PSME3IP1: variants seen among roughly 807,000 people sequenced by gnomAD.
The protein encoded by PSME3IP1 is PSME3-interacting protein.
A neutral mutation model predicts 34.1 loss-of-function variants in PSME3IP1; 13 were observed. The observed-to-expected ratio is 0.38, with a 90% CI of 0.25 to 0.61. The LOEUF (loss-of-function observed/expected upper bound fraction) is 0.61, where lower values mean the gene tolerates loss of function less well. Ranked by LOEUF, PSME3IP1 falls within the 20% of genes least tolerant of loss-of-function variation. The pLI, the probability that PSME3IP1 is intolerant of heterozygous loss-of-function variation, is 0.60. For synonymous variants in PSME3IP1, 93 were observed against 114.3 expected, an observed-to-expected ratio of 0.81 and a Z score of 1.19; for missense variants, 237 against 301.4, an observed-to-expected ratio of 0.79 and a Z score of 1.58.
At chr16:57,165,826 C>G (rs1305361880) in intron 5 of PSME3IP1, among the ~76,000 whole-genome samples, 1 of 152,004 alleles carries the variant, frequency 6.6e-6, no homozygotes, top group Non-Finnish European at 1.5e-5. Flanking sequence ...TACTACAGAG[C>G]CTTTTCTAAA....
chr16:57,174,231 T>C, intron 1 of PSME3IP1: 1 of 196,388 alleles, frequency 5.1e-6, no homozygotes, highest in Middle Eastern at 2.3e-3. Context: ...GAGGCGGAGG[T>C]TGCAGTGAGC....
intron 1 of PSME3IP1, chr16:57,174,504 G>A (rs1212494691): frequency 2.0e-6 from 2 of 985,144 alleles, no homozygotes; most frequent in Admixed American, 6.2e-5. Context: ...TAGAAAAATT[G>A]GCCTCCTGAG....
chr16:57,172,452 C>G, intron 3 of PSME3IP1, 80 bp from the exon 4 acceptor site: 1 of 1,463,554 alleles, frequency 6.8e-7, no homozygotes, highest in Non-Finnish European at 9.3e-7. Flanking sequence ...TTTAAATAAG[C>G]AGCAGATTCT....
chr16:57,182,322 T>C (rs1307998681), intron 1 of PSME3IP1, among the ~76,000 whole-genome samples: 1 of 151,932 alleles, frequency 6.6e-6, no homozygotes, highest in Non-Finnish European at 1.5e-5. Flanking sequence ...GTAGCTTTGC[T>C]TGTAAGCTAT....
chr16:57,173,605 G>A (rs762045877), intron 2 of PSME3IP1, 123 bp downstream of exon 2: 93 of 1,196,520 alleles, frequency 7.8e-5, no homozygotes, highest in Non-Finnish European at 1.0e-4. Context: ...CTCCAGCCTG[G>A]GCAACAGAGT....
At chr16:57,183,878 G>T (rs1354973744) in intron 1 of PSME3IP1, among the ~76,000 whole-genome samples, 13 of 152,108 alleles carry the variant, frequency 8.5e-5, no homozygotes, top group African/African-American at 3.1e-4. Flanking sequence ...GTGCCCAAAA[G>T]AACTACAGCT....
intron 6 of PSME3IP1, among the ~76,000 whole-genome samples, chr16:57,158,806 C>T (rs1314208886): frequency 6.6e-6 from 1 of 152,146 alleles, no homozygotes. Context: ...GATGGTATAG[C>T]CTACTACACA....
At chr16:57,165,527 C>G (rs1463774369) in intron 5 of PSME3IP1, among the ~76,000 whole-genome samples, 1 of 152,146 alleles carries the variant, frequency 6.6e-6, no homozygotes, top group Admixed American at 6.5e-5. Flanking sequence ...TGGTCTTATG[C>G]TTCATGACAT....
chr16:57,180,351 A>G (rs1415536377), intron 1 of PSME3IP1, among the ~76,000 whole-genome samples: 5 of 152,206 alleles, frequency 3.3e-5, no homozygotes, highest in Non-Finnish European at 5.9e-5. Context: ...GCACTTTGGG[A>G]GGCTGAGGCA....
intron 5 of PSME3IP1, among the ~76,000 whole-genome samples, chr16:57,164,646 A>T (rs1272903957): frequency 1.3e-5 from 2 of 152,242 alleles, no homozygotes; most frequent in Non-Finnish European, 2.9e-5. Flanking sequence ...AACAGACCAT[A>T]CTGAAGTCAC....
At chr16:57,157,838 C>T (rs2070741571) in intron 6 of PSME3IP1, among the ~76,000 whole-genome samples, 1 of 152,098 alleles carries the variant, frequency 6.6e-6, no homozygotes, top group Non-Finnish European at 1.5e-5. Flanking sequence ...AAAGCAAATA[C>T]AAAAATTCAA....
intron 4 of PSME3IP1, among the ~76,000 whole-genome samples, chr16:57,168,887 T>G (rs2072234010): frequency 6.6e-6 from 1 of 150,550 alleles, no homozygotes; most frequent in Admixed American, 6.6e-5. Context: ...TGATTTTTTA[T>G]CTGCAACTCC....
chr16:57,165,684 G>A (rs2071784975), intron 5 of PSME3IP1, among the ~76,000 whole-genome samples: 1 of 152,136 alleles, frequency 6.6e-6, no homozygotes, highest in African/African-American at 2.4e-5. Context: ...AAACTCCCAG[G>A]TGATTCCAAT....
chr16:57,171,028 G>A (rs1353270705), intron 4 of PSME3IP1, among the ~76,000 whole-genome samples: 6 of 151,948 alleles, frequency 3.9e-5, no homozygotes, highest in African/African-American at 7.3e-5. Context: ...AGACGAGATC[G>A]CGCCACTGCA....
chr16:57,172,154 G>A, intron 4 of PSME3IP1, 97 bp downstream of exon 4: 2 of 1,316,764 alleles, frequency 1.5e-6, no homozygotes, highest in Non-Finnish European at 2.1e-6. Context: ...AGATCACCAG[G>A]TAGAAAACCC....
intron 6 of PSME3IP1, among the ~76,000 whole-genome samples, chr16:57,160,725 G>A (rs9936593): frequency 0.98 from 149,625 of 152,344 alleles, 73,493 homozygotes; most frequent in East Asian, 1. Context: ...TCTATGTCCA[G>A]TTATGCAATG....
chr16:57,168,588 G>A (rs1276936256), intron 4 of PSME3IP1, among the ~76,000 whole-genome samples: 2 of 151,886 alleles, frequency 1.3e-5, no homozygotes, highest in African/African-American at 2.4e-5. Context: ...GATCAACTGA[G>A]GTCGGGAGTT....
intron 1 of PSME3IP1, chr16:57,174,548 T>G: frequency 1.0e-6 from 1 of 985,474 alleles, no homozygotes; most frequent in Non-Finnish European, 1.2e-6. Flanking sequence ...CATCCTCCTT[T>G]ATTTCTGTAA....
At position 57,174,476 on chromosome 16, in the gene PSME3IP1, TTC is replaced by T. The variant is rs1222585175; in HGVS notation, c.-15-609_-15-608del. Reference sequence around the variant, plus strand: ...ATAGTAAATCTCATATTGCAGCTATTTCTCTGTCCCTCTAATCTAGAAAAATT... The same window carrying T: ...ATAGTAAATCTCATATTGCAGCTATTTCTGTCCCTCTAATCTAGAAAAATT... On this transcript the variant is annotated intron_variant, in intron 1 of 6. Transcript: ENST00000309137. The T allele has an allele frequency of 3.0e-6, 3 of 985,330 alleles. No homozygotes were observed. In the African/African-American group the frequency reaches 5.2e-5, roughly 17 times the overall value. The allele number at this position is 985,330 out of a possible 1,614,324, so 61.0% of individuals were successfully genotyped here.
Sources: gnomAD v4.1 joint callset for allele counts (sites outside exome capture counted in the v4.1 genomes callset) on GRCh38, gnomAD v4.1.1 for gene constraint, MANE v1.5 for transcripts, NCBI Gene and HGNC (gene_info 2026-07-23, HGNC 2026-07-21) for gene names.